TUSC3: variants seen among roughly 807,000 people sequenced by gnomAD.
The protein encoded by TUSC3 is tumor suppressor candidate 3, also known as dolichyl-diphosphooligosaccharide--protein glycosyltransferase subunit TUSC3.
Under a neutral mutation model 44.8 loss-of-function variants are expected in TUSC3, and 45 were observed. The ratio of observed to expected loss-of-function variants is 1.00; its 90% CI spans 0.79 to 1.29. TUSC3 has a LOEUF of 1.29. TUSC3 is among the 50% of genes most tolerant of loss of function. The pLI is 0.00. For missense variants in TUSC3, 519 were observed against 437.9 expected, an observed-to-expected ratio of 1.19 and a Z score of -1.65; for synonymous variants, 212 against 152.9, an observed-to-expected ratio of 1.39 and a Z score of -2.85.
intron 2 of TUSC3, among the ~76,000 whole-genome samples, chr8:15,639,782 G>T (rs943767738): frequency 2.6e-4 from 36 of 140,844 alleles, no homozygotes; most frequent in African/African-American, 4.6e-4. Context: ...CATAAGAGTC[G>T]TTTTTTTTTT....
chr8:15,622,531 C>A (rs1355110719), intron 1 of TUSC3, among the ~76,000 whole-genome samples: 1 of 152,150 alleles, frequency 6.6e-6, no homozygotes, highest in African/African-American at 2.4e-5. Context: ...GTGCTGTCTA[C>A]CAGTCACTGT....
intron 1 of TUSC3, among the ~76,000 whole-genome samples, chr8:15,589,343 T>C (rs574584992): frequency 6.6e-6 from 1 of 152,296 alleles, no homozygotes; most frequent in Admixed American, 6.5e-5. Flanking sequence ...AACAAGATCC[T>C]GAAATGATCC....
intron 1 of TUSC3, among the ~76,000 whole-genome samples, chr8:15,598,069 A>G (rs1210708298): frequency 6.6e-6 from 1 of 151,984 alleles, no homozygotes; most frequent in Non-Finnish European, 1.5e-5. Context: ...TTTGAGAATC[A>G]AGTTATTTCT....
At chr8:15,656,164 C>G (rs1014812769) in intron 3 of TUSC3, among the ~76,000 whole-genome samples, 1 of 151,988 alleles carries the variant, frequency 6.6e-6, no homozygotes, top group Non-Finnish European at 1.5e-5. Flanking sequence ...TGCCCCTAAC[C>G]CTACCAAACT....
At chr8:15,760,561 C>T (rs1812130002) in intron 10 of TUSC3, among the ~76,000 whole-genome samples, 1 of 152,216 alleles carries the variant, frequency 6.6e-6, no homozygotes, top group African/African-American at 2.4e-5. Context: ...ATGGCTTCTA[C>T]AGTTCTAAAT....
At position 15,622,866 on chromosome 8, in the gene TUSC3, G is replaced by C. The variant is rs1864234; in HGVS notation, c.139-214G>C. ...CTTGGATTGCTGACTTCTCTAGCAA[G>C]TGGTCTGGGATATATAAGGCCAAGA... is the stretch of plus-strand genomic sequence containing the variant. On this transcript the variant is annotated intron_variant, in intron 1 of 10. Transcript: ENST00000503731. Among the ~76,000 whole-genome samples, 127,819 of 151,936 alleles carry C rather than the reference G, an allele frequency of 0.84. 54,006 individuals are homozygous for C. The highest frequency in any genetic ancestry group is 0.87 in the Non-Finnish European group (59,403 of 67,974).
intron 1 of TUSC3, among the ~76,000 whole-genome samples, chr8:15,573,190 C>CTCTCTCTCTCTCTT (rs1802948992): frequency 2.2e-5 from 2 of 92,520 alleles, no homozygotes; most frequent in African/African-American, 8.8e-5. Context: ...CTCTCTCTCT[C>CTCTCTCTCTCTCTT]TCTCTCTCTC....
At chr8:15,730,767 A>G (rs1278505456) in intron 7 of TUSC3, 38 bp downstream of exon 7, 5 of 1,585,368 alleles carry the variant, frequency 3.2e-6, no homozygotes, top group Non-Finnish European at 4.3e-6. Flanking sequence ...AAAAGGGCAA[A>G]CTAAAGCTAC....
chr8:15,680,407 G>A (rs888655740), intron 6 of TUSC3, among the ~76,000 whole-genome samples: 7 of 151,910 alleles, frequency 4.6e-5, no homozygotes, highest in South Asian at 2.1e-4. Flanking sequence ...TGACTTGAAC[G>A]TTATTGGTGT....
At chr8:15,629,508 T>G (rs1448025088) in intron 2 of TUSC3, among the ~76,000 whole-genome samples, 2 of 151,608 alleles carry the variant, frequency 1.3e-5, no homozygotes, top group East Asian at 3.9e-4. Context: ...TCAGAGGGAG[T>G]TGTAGATGCA....
intron 2 of TUSC3, among the ~76,000 whole-genome samples, chr8:15,634,764 C>G (rs914683022): frequency 1.3e-5 from 2 of 152,226 alleles, no homozygotes; most frequent in African/African-American, 4.8e-5. Context: ...CTCATAAAAT[C>G]ATTGTCTCCA....
chr8:15,760,360 C>G (rs1309200474), intron 10 of TUSC3, among the ~76,000 whole-genome samples: 1 of 152,098 alleles, frequency 6.6e-6, no homozygotes, highest in Non-Finnish European at 1.5e-5. Flanking sequence ...TGAGCATATT[C>G]CTATGCAGTT....
intron 1 of TUSC3, among the ~76,000 whole-genome samples, chr8:15,594,012 T>C (rs17657927): frequency 0.23 from 34,400 of 152,140 alleles, 4,030 homozygotes; most frequent in East Asian, 0.45. Context: ...AACGATACTA[T>C]ATTATGAGAT....
At chr8:15,710,934 T>G (rs1563184603) in intron 6 of TUSC3, among the ~76,000 whole-genome samples, 1 of 150,722 alleles carries the variant, frequency 6.6e-6, no homozygotes, top group East Asian at 1.9e-4. Context: ...GAATTTTGCC[T>G]GCATTCCAGA....
the TUSC3 span, among the ~76,000 whole-genome samples, chr8:15,834,240 C>CT: frequency 0.13 from 4,408 of 34,318 alleles, 218 homozygotes; most frequent in African/African-American, 0.21. Context: ...AATAAAATTA[C>CT]TTTCTTCATA....
chr8:15,689,242 G>T, intron 6 of TUSC3: 1 of 353,244 alleles, frequency 2.8e-6, no homozygotes. Flanking sequence ...ATATTTTCAG[G>T]CTGGATGGGA....
intron 1 of TUSC3, among the ~76,000 whole-genome samples, chr8:15,473,581 G>C (rs561104384): frequency 6.6e-6 from 1 of 152,152 alleles, no homozygotes; most frequent in East Asian, 1.9e-4. Context: ...TGAAGAGAAA[G>C]AGTACAAAGA....
At chr8:15,716,710 C>T in intron 6 of TUSC3, among the ~76,000 whole-genome samples, 1 of 151,972 alleles carries the variant, frequency 6.6e-6, no homozygotes, top group Middle Eastern at 3.2e-3. Context: ...AAACTGCTTA[C>T]CGAAAAAGAA....
At chr8:15,827,972 A>C in the TUSC3 span, among the ~76,000 whole-genome samples, 1 of 150,738 alleles carries the variant, frequency 6.6e-6, no homozygotes, top group Admixed American at 6.7e-5. Flanking sequence ...ACACCCCAGA[A>C]AACTAATGCA....
Sources: gnomAD v4.1 joint callset for allele counts (sites outside exome capture counted in the v4.1 genomes callset) on GRCh38, gnomAD v4.1.1 for gene constraint, MANE v1.5 for transcripts, NCBI Gene and HGNC (gene_info 2026-07-23, HGNC 2026-07-21) for gene names.